MACROD2: variants seen among roughly 807,000 people sequenced by gnomAD.
MACROD2 encodes the protein ADP-ribose glycohydrolase MACROD2.
A neutral mutation model predicts 70.4 loss-of-function variants in MACROD2; 36 were observed. That is an observed-to-expected ratio of 0.51 (90% CI 0.39 to 0.68). The LOEUF (loss-of-function observed/expected upper bound fraction) is 0.68, where lower values mean the gene tolerates loss of function less well. Among genes scored for constraint, MACROD2 ranks in the 30% least tolerant of loss-of-function variants. MACROD2 has a pLI of 0.00. For missense variants in MACROD2, 496 were observed against 538.4 expected, an observed-to-expected ratio of 0.92 and a Z score of 0.78; for synonymous variants, 172 against 178.8, an observed-to-expected ratio of 0.96 and a Z score of 0.30.
chr20:15,661,495 C>T (rs186665028), intron 8 of MACROD2, among the ~76,000 whole-genome samples: 41 of 152,270 alleles, frequency 2.7e-4, no homozygotes, highest in African/African-American at 6.7e-4. Flanking sequence ...TCCAATCTCT[C>T]GAGAGTGAAA....
chr20:14,003,302 T>C (rs576984623), intron 2 of MACROD2, among the ~76,000 whole-genome samples: 40 of 152,258 alleles, frequency 2.6e-4, no homozygotes, highest in African/African-American at 8.7e-4. Context: ...CACATTGACC[T>C]GAGGATTTGG....
chr20:14,114,925 T>C (rs2148687806), intron 3 of MACROD2, among the ~76,000 whole-genome samples: 1 of 152,316 alleles, frequency 6.6e-6, no homozygotes, highest in Middle Eastern at 3.4e-3. Context: ...CTGGCATCCT[T>C]CTCAAATCCC....
intron 16 of MACROD2, among the ~76,000 whole-genome samples, chr20:16,041,747 A>G (rs111769938): frequency 2.0e-5 from 3 of 152,036 alleles, no homozygotes; most frequent in African/African-American, 7.2e-5. Context: ...GGTTAAAAAC[A>G]TAGTGAGTCT....
rs1040633723 is a variant in MACROD2 at position 15,403,416 on chromosome 20, GAGA to G, written c.541-27980_541-27978del. The stretch of plus-strand genomic sequence containing the variant: ...TTTGTTAGAGAGAGAGAGAGAGAAA[GAGA>G]AGAAGAAGGAGGAGGAGGAGGACGA... On this transcript the variant is annotated intron_variant, in intron 6 of 17. Transcript: ENST00000684519. Among the ~76,000 whole-genome samples, 13 of 151,800 alleles carry G rather than the reference GAGA, an allele frequency of 8.6e-5. No homozygotes were observed. The East Asian group carries it at 9.6e-4, about 11-fold the overall frequency.
chr20:14,799,160 A>G (rs1292393269), intron 5 of MACROD2, among the ~76,000 whole-genome samples: 1 of 151,992 alleles, frequency 6.6e-6, no homozygotes. Flanking sequence ...ACTTAATACT[A>G]TTTTATCCTA....
chr20:14,268,867 A>G (rs1344330592), intron 3 of MACROD2, among the ~76,000 whole-genome samples: 1 of 152,120 alleles, frequency 6.6e-6, no homozygotes, highest in Admixed American at 6.5e-5. Flanking sequence ...CCATTCTTTT[A>G]AAAACAAGCT....
In MACROD2 at chr20:14,594,417, A is replaced by C. The variant is rs534178341; in HGVS notation, c.302-90426A>C. ...ATATAACACTTCCTACTCCTTTGTC[A>C]TAATCAAATAGATACGTTAAAATTG... On this transcript the variant is annotated intron_variant, in intron 4 of 17. Transcript: ENST00000684519. 1.9e-3 allele frequency among the ~76,000 whole-genome samples: 293 copies of C among 152,342 alleles called. 1 individual carries two copies. Among genetic ancestry groups the C allele is most frequent in the African/African-American group, 6.6e-3 (273 of 41,584 alleles).
chr20:15,370,821 A>T (rs1377503841), intron 6 of MACROD2, among the ~76,000 whole-genome samples: 4 of 152,050 alleles, frequency 2.6e-5, no homozygotes, highest in Non-Finnish European at 5.9e-5. Context: ...GAACACAGGC[A>T]AAAAGAAGGA....
chr20:14,418,013 T>C (rs1041565197), intron 3 of MACROD2, among the ~76,000 whole-genome samples: 9 of 152,210 alleles, frequency 5.9e-5, no homozygotes, highest in African/African-American at 2.2e-4. Flanking sequence ...AATCTTTTTT[T>C]CTGTCAGCGA....
chr20:14,025,419 T>C (rs761136743), intron 2 of MACROD2, among the ~76,000 whole-genome samples: 1 of 152,154 alleles, frequency 6.6e-6, no homozygotes, highest in Non-Finnish European at 1.5e-5. Context: ...TTTGAATTTG[T>C]TTGCTCTTGC....
rs201667273 is a variant in MACROD2 at position 14,059,612 on chromosome 20, G to T, written c.164-26009G>T. ...TGAATAAGATGGGACATGAAGCTGG[G>T]TGGAGTGGTTCAGGGAGAGGGGTTA... On this transcript the variant is annotated intron_variant, in intron 2 of 17. Coordinates refer to ENST00000684519, the MANE Select transcript of MACROD2 (RefSeq NM_001351661.2). Among the ~76,000 whole-genome samples the T allele has an allele frequency of 3.9e-5, 6 of 152,300 alleles. No homozygotes were observed. The East Asian group carries it at 1.2e-3, about 29-fold the overall frequency.
intron 2 of MACROD2, among the ~76,000 whole-genome samples, chr20:14,049,621 C>T (rs895167552): frequency 4.0e-5 from 6 of 149,896 alleles, no homozygotes; most frequent in African/African-American, 9.8e-5. Flanking sequence ...GGCTTGGTGG[C>T]GGGCACCTGT....
At chr20:14,109,223 A>G (rs1228175513) in intron 3 of MACROD2, among the ~76,000 whole-genome samples, 1 of 152,076 alleles carries the variant, frequency 6.6e-6, no homozygotes, top group East Asian at 1.9e-4. Context: ...AACACATGGT[A>G]ACGGAGACAA....
At chr20:15,084,706 T>G (rs1464153208) in intron 5 of MACROD2, among the ~76,000 whole-genome samples, 1 of 152,184 alleles carries the variant, frequency 6.6e-6, no homozygotes, top group Non-Finnish European at 1.5e-5. Context: ...AAAAAGTTAT[T>G]TTTTTCTTTT....
intron 7 of MACROD2, among the ~76,000 whole-genome samples, chr20:15,482,216 C>A (rs1378335873): frequency 6.6e-6 from 1 of 152,132 alleles, no homozygotes; most frequent in Non-Finnish European, 1.5e-5. Context: ...TCTTAAAGAA[C>A]AAACTCACAG....
At chr20:14,925,365 G>A (rs2074217342) in intron 5 of MACROD2, among the ~76,000 whole-genome samples, 2 of 152,166 alleles carry the variant, frequency 1.3e-5, no homozygotes, top group South Asian at 4.1e-4. Flanking sequence ...CCCTCAGATA[G>A]TGGTTATACA....
At chr20:14,377,905 G>T (rs568397154) in intron 3 of MACROD2, among the ~76,000 whole-genome samples, 8 of 152,200 alleles carry the variant, frequency 5.3e-5, no homozygotes, top group Non-Finnish European at 1.0e-4. Flanking sequence ...TTGACCAGAA[G>T]TCGGGGCTCC....
At chr20:14,743,076 A>T (rs1190251514) in intron 5 of MACROD2, among the ~76,000 whole-genome samples, 3 of 152,094 alleles carry the variant, frequency 2.0e-5, no homozygotes, top group Non-Finnish European at 2.9e-5. Flanking sequence ...TATAAACTTT[A>T]TTTTAAAAGC....
At chr20:15,744,787 A>T (rs998941738) in intron 8 of MACROD2, among the ~76,000 whole-genome samples, 9 of 151,676 alleles carry the variant, frequency 5.9e-5, no homozygotes, top group Non-Finnish European at 1.3e-4. Context: ...GTGTCTGTGT[A>T]TGTGTGAATC....
Sources: gnomAD v4.1 joint callset for allele counts (sites outside exome capture counted in the v4.1 genomes callset) on GRCh38, gnomAD v4.1.1 for gene constraint, MANE v1.5 for transcripts, NCBI Gene and HGNC (gene_info 2026-07-23, HGNC 2026-07-21) for gene names.